The following ANKRD46 variants were observed in gnomAD, a reference collection of about 807,000 sequenced individuals.
ANKRD46 encodes the protein ankyrin repeat domain 46.
Under a neutral mutation model 19.8 loss-of-function variants are expected in ANKRD46, and 13 were observed. The observed-to-expected ratio is 0.66, with a 90% CI of 0.43 to 1.04. ANKRD46 has a LOEUF of 1.04. Among genes scored for constraint, ANKRD46 ranks in the 50% least tolerant of loss-of-function variants. The pLI, the probability that ANKRD46 is intolerant of heterozygous loss-of-function variation, is 0.00. For missense variants in ANKRD46, 185 were observed against 274.8 expected (o/e 0.67, Z 2.31); for synonymous variants, 91 against 106.9 (o/e 0.85, Z 0.92).
Position 100,511,314 on chromosome 8 carries a change from G to A in ANKRD46, c.637-675C>T, listed in dbSNP as rs1461057821. Among the ~76,000 whole-genome samples, 4 of 152,140 alleles carry A rather than the reference G, an allele frequency of 2.6e-5. No homozygotes were observed. The highest frequency in any genetic ancestry group is 4.4e-5 in the Non-Finnish European group (3 of 68,026). On this transcript the variant is annotated intron_variant, in intron 5 of 5. Transcript: ENST00000520552. This position sits in a 1 kb window ranked among gnomAD's most constrained non-coding sequence, Gnocchi z 4.1. ...TCCAAACCCAGGTCTGCCTGAGTGC[G>A]AGACCCCTGTGCTCACCACCACACT...
chr8:100,557,838 A>G lies in ANKRD46; in HGVS notation c.-131+1873T>C, dbSNP rs1456337396. On this transcript the variant is annotated intron_variant, in intron 1 of 4. Coordinates refer to ENST00000335659, the MANE Select transcript of ANKRD46 (RefSeq NM_001270377.2). This position sits in a 1 kb window ranked among gnomAD's most constrained non-coding sequence, Gnocchi z 5.9. Reference sequence around the variant, plus strand: ...AGTCTTTTCCATGGCACCAGTCCTTATTTTAAAACTGCACCTGTTCCTTCC... The same window carrying G: ...AGTCTTTTCCATGGCACCAGTCCTTGTTTTAAAACTGCACCTGTTCCTTCC... 6.6e-6 allele frequency among the ~76,000 whole-genome samples: 1 copy of G among 152,166 alleles called. No individual in the cohort carries two copies. The highest frequency in any genetic ancestry group is 1.5e-5 in the Non-Finnish European group (1 of 68,032).
downstream of ANKRD46, among the ~76,000 whole-genome samples, chr8:100,518,424 A>G (rs62515180): frequency 0.05 from 7,668 of 152,354 alleles, 305 homozygotes; most frequent in Non-Finnish European, 0.074. Context: ...TGACTTAATT[A>G]TAAGTAGCAC....
rs1811548537 is a variant in ANKRD46 at position 100,511,572 on chromosome 8, A to C, written c.637-933T>G. ...CTTATTTTATCCAAATTAAATGACA[A>C]AAAAAAATCATATACACATACCTAT... On this transcript the variant is annotated intron_variant, in intron 5 of 5. Transcript: ENST00000520552. This position sits in a 1 kb window ranked among gnomAD's most constrained non-coding sequence, Gnocchi z 4.1. Among the ~76,000 whole-genome samples, 1 of 152,050 alleles carries C rather than the reference A, an allele frequency of 6.6e-6. No individual in the cohort carries two copies. Among genetic ancestry groups the C allele is most frequent in the African/African-American group, 2.4e-5 (1 of 41,388 alleles).
intron 2 of ANKRD46, among the ~76,000 whole-genome samples, chr8:100,531,491 C>A (rs751056945): frequency 2.4e-4 from 36 of 152,186 alleles, no homozygotes; most frequent in Non-Finnish European, 2.1e-4. Flanking sequence ...CTACCATGGG[C>A]TCTCTGTGGA....
rs1811829320 is a variant in ANKRD46 at position 100,525,714 on chromosome 8, G to C, written c.470+2131C>G. ...TGCTGCTATGAACATTCATATATAA[G>C]TTTTGTGTGGACATATGTTTCAATT... On this transcript the variant is annotated intron_variant, in intron 4 of 4. Transcript: ENST00000335659. This position sits in a 1 kb window ranked among gnomAD's most constrained non-coding sequence, Gnocchi z 4.4. Among the ~76,000 whole-genome samples, 1 of 152,120 alleles carries C rather than the reference G, an allele frequency of 6.6e-6. No individual in the cohort carries two copies. The highest frequency in any genetic ancestry group is 1.9e-4 in the East Asian group (1 of 5,204).
chr8:100,552,332 A>C (rs1463563877), intron 1 of ANKRD46, among the ~76,000 whole-genome samples: 1 of 149,480 alleles, frequency 6.7e-6, no homozygotes, highest in African/African-American at 2.5e-5. Context: ...TTGTGCTTGT[A>C]CTCTATAGAG....
In ANKRD46 at chr8:100,521,518, C is replaced by T. The variant is rs1811723241; in HGVS notation, c.*1037G>A. 1.0e-6 allele frequency: 1 copy of T among 985,310 alleles called. No homozygotes were observed. The highest frequency in any genetic ancestry group is 1.7e-5 in the African/African-American group (1 of 57,236). 61.0% of individuals were successfully genotyped at this position (985,310 alleles called of 1,614,324 possible). On this transcript the variant is annotated 3_prime_UTR_variant, in exon 5 of 5. Transcript: ENST00000335659. The stretch of plus-strand genomic sequence containing the variant: ...TACCATTCATAAAGAGTTTATGACA[C>T]CCAGTACGATACTGTCCAGCACTGT...
At position 100,550,945 on chromosome 8, in the gene ANKRD46, T is replaced by G; in HGVS notation, c.-131+8766A>C. 1 of 597,458 alleles carries G rather than the reference T, an allele frequency of 1.7e-6. No homozygotes were observed. The highest frequency in any genetic ancestry group is 3.1e-6 in the Non-Finnish European group (1 of 319,652). The allele number at this position is 597,458 out of a possible 1,614,324, so 37.0% of individuals were successfully genotyped here. The stretch of plus-strand genomic sequence containing the variant: ...CCTCTGACGCCTGCTTCACCACCTT[T>G]TTGATGTCATCATATTTGGCAGGTT... On this transcript the variant is annotated intron_variant, in intron 1 of 4. Transcript: ENST00000335659. This position sits in a 1 kb window ranked among gnomAD's most constrained non-coding sequence, Gnocchi z 4.4.
intron 5 of ANKRD46, among the ~76,000 whole-genome samples, chr8:100,515,661 A>AGGGGGGGGGGGGGGGGGGGGGGGG (rs368942546): frequency 3.3e-5 from 2 of 59,966 alleles, no homozygotes; most frequent in Non-Finnish European, 3.4e-5. Context: ...GGTGCGGGGG[A>AGGGGGGGGGGGGGGGGGGGGGGGG]GGGGGGGGGC....
In ANKRD46 at chr8:100,523,183, G is replaced by A. The variant is rs536702707; in HGVS notation, c.471-412C>T. ...TCTCTATTTTTTTTTAAGGTGTCCT[G>A]AGCAGAAGTCTTGAAATAGGTTATG... On this transcript the variant is annotated intron_variant, in intron 4 of 4. Coordinates refer to ENST00000335659, the MANE Select transcript of ANKRD46 (RefSeq NM_001270377.2). Among the ~76,000 whole-genome samples the A allele has an allele frequency of 2.6e-5, 4 of 151,384 alleles. No homozygotes were observed. In the South Asian group the frequency reaches 8.3e-4, roughly 32 times the overall value.
At position 100,545,336 on chromosome 8, in the gene ANKRD46, T is replaced by C. The variant is rs75044319; in HGVS notation, c.-130-12025A>G. Among the ~76,000 whole-genome samples the C allele has an allele frequency of 2.1e-3, 314 of 152,178 alleles. No homozygotes were observed. Among genetic ancestry groups the C allele is most frequent in the African/African-American group, 7.2e-3 (299 of 41,550 alleles). ...GACCTGGTGGGAGGTGAATGGAGCA[T>C]GGGGGTGGTTACCCCCATGCTGTTC... On this transcript the variant is annotated intron_variant, in intron 1 of 4. Transcript: ENST00000335659. The surrounding 1 kb of genome is among the most constrained non-coding windows in gnomAD (Gnocchi z 4.7).
chr8:100,528,147 G>T, intron 3 of ANKRD46, 144 bp from the exon 4 acceptor site: 1 of 910,712 alleles, frequency 1.1e-6, no homozygotes, highest in Non-Finnish European at 1.5e-6. Context: ...CTACCCTAGG[G>T]CTGTGGGGAA....
At chr8:100,539,376 G>A (rs2130680302) in intron 1 of ANKRD46, among the ~76,000 whole-genome samples, 1 of 152,298 alleles carries the variant, frequency 6.6e-6, no homozygotes, top group East Asian at 1.9e-4. Flanking sequence ...TAAATAAAAG[G>A]AGGAACTAAG....
intron 1 of ANKRD46, among the ~76,000 whole-genome samples, chr8:100,533,829 T>C (rs996655344): frequency 4.6e-5 from 7 of 152,246 alleles, no homozygotes; most frequent in Non-Finnish European, 8.8e-5. Flanking sequence ...TTAAATCTCT[T>C]TAAATCTGTT....
Position 100,529,766 on chromosome 8 carries a change from C to G in ANKRD46, c.68G>C (p.Gly23Ala). The G allele has an allele frequency of 3.7e-6, 6 of 1,614,220 alleles. No homozygotes were observed. The highest frequency in any genetic ancestry group is 5.1e-6 in the Non-Finnish European group (6 of 1,180,056). Reference sequence around the variant, plus strand: ...AAGCCGCTTGGAATAATTAAAGTCCCCATCAATACAGGCTTGCAGCAAGGG... The same window carrying G: ...AAGCCGCTTGGAATAATTAAAGTCCGCATCAATACAGGCTTGCAGCAAGGG... ...NVPLLQACID[G>A]DFNYSKRLLE... is the part of the protein sequence containing the mutation. The change falls in exon 3 of 5, where the codon GGG becomes GCG. Residue 23 changes from glycine (G) to alanine (A), a missense_variant. By Grantham distance (60) the Gly-to-Ala change is moderately conservative. Transcript: ENST00000335659. This position sits in a 1 kb window ranked among gnomAD's most constrained non-coding sequence, Gnocchi z 5.8.
chr8:100,537,569 T>C lies in ANKRD46; in HGVS notation c.-130-4258A>G, dbSNP rs1048148029. ...GTTTCAAAATATAATCTCAGAGAAC[T>C]ATAAAACAAAAATTTCCAATGAAGT... On this transcript the variant is annotated intron_variant, in intron 1 of 4. Coordinates refer to ENST00000335659, the MANE Select transcript of ANKRD46 (RefSeq NM_001270377.2). The surrounding 1 kb of genome is among the most constrained non-coding windows in gnomAD (Gnocchi z 4.2). Among the ~76,000 whole-genome samples the C allele has an allele frequency of 6.6e-6, 1 of 152,200 alleles. No individual in the cohort carries two copies. Among genetic ancestry groups the C allele is most frequent in the Non-Finnish European group, 1.5e-5 (1 of 68,030 alleles).
chr8:100,512,923 T>C (rs576004690), intron 5 of ANKRD46, among the ~76,000 whole-genome samples: 53 of 152,154 alleles, frequency 3.5e-4, no homozygotes, highest in Non-Finnish European at 6.5e-4. Context: ...GCCCAGGCAT[T>C]TTCCTTCTCC....
chr8:100,533,505 T>C (rs973886877), intron 1 of ANKRD46, among the ~76,000 whole-genome samples, 194 bp from the exon 2 acceptor site: 30 of 152,190 alleles, frequency 2.0e-4, no homozygotes, highest in African/African-American at 5.8e-4. Context: ...AAGGGCTTAA[T>C]AGAAGCTGCT....
chr8:100,552,053 G>T (rs2130705918), intron 1 of ANKRD46, among the ~76,000 whole-genome samples: 1 of 151,634 alleles, frequency 6.6e-6, no homozygotes, highest in South Asian at 2.1e-4. Flanking sequence ...GGGAGGCTGA[G>T]GCAGGAGAAT....
Sources: gnomAD v4.1 joint callset for allele counts (sites outside exome capture counted in the v4.1 genomes callset) on GRCh38, gnomAD v4.1.1 for gene constraint, Gnocchi (gnomAD v3.1) non-coding constraint, MANE v1.5 for transcripts, NCBI Gene and HGNC (gene_info 2026-07-23, HGNC 2026-07-21) for gene names.